PRPF18: variants seen among roughly 807,000 people sequenced by gnomAD.
PRPF18 encodes the protein pre-mRNA processing factor 18, also known as pre-mRNA-splicing factor 18.
A neutral mutation model predicts 46.5 loss-of-function variants in PRPF18; 38 were observed. The ratio of observed to expected loss-of-function variants is 0.82; its 90% CI spans 0.63 to 1.07. PRPF18 has a LOEUF of 1.07. PRPF18 is among the 50% of genes least tolerant of loss of function. The pLI is 0.00. For synonymous variants in PRPF18, 152 were observed against 146.7 expected (o/e 1.04, Z -0.26); for missense variants, 263 against 410.0 (o/e 0.64, Z 3.10).
chr10:13,589,917 T>G (rs2133063885), intron 1 of PRPF18, among the ~76,000 whole-genome samples: 1 of 152,260 alleles, frequency 6.6e-6, no homozygotes, highest in South Asian at 2.1e-4. Context: ...GCAGGGACCT[T>G]TTGATGAGTG....
At chr10:13,654,928 G>A in the PRPF18 span, 2 of 182,828 alleles carry the variant, frequency 1.1e-5, no homozygotes, top group Non-Finnish European at 2.3e-5. Context: ...CTGGCCCCAG[G>A]GCATTTTCAG....
the PRPF18 span, chr10:13,655,567 G>A: frequency 1.3e-5 from 2 of 151,918 alleles, no homozygotes; most frequent in Non-Finnish European, 2.9e-5. Context: ...ACGGGGATGT[G>A]GGGATAGAAT....
At chr10:13,607,136 C>T (rs1371368488) in intron 4 of PRPF18, among the ~76,000 whole-genome samples, 5 of 152,174 alleles carry the variant, frequency 3.3e-5, no homozygotes, top group East Asian at 3.8e-4. Flanking sequence ...CCGTCACCTA[C>T]GCTGGAATGC....
intron 4 of PRPF18, among the ~76,000 whole-genome samples, chr10:13,606,152 A>G (rs2080181579): frequency 6.6e-6 from 1 of 152,130 alleles, no homozygotes; most frequent in Non-Finnish European, 1.5e-5. Context: ...AGTTGAAAAA[A>G]AAGAGAAAAA....
intron 2 of PRPF18, 68 bp from the exon 3 acceptor site, chr10:13,600,176 G>GAAGT: frequency 5.6e-6 from 7 of 1,252,908 alleles, no homozygotes; most frequent in Middle Eastern, 2.0e-4. Context: ...CATAGCTAAG[G>GAAGT]TAATGGAATG....
intron 2 of PRPF18, 82 bp from the exon 3 acceptor site, chr10:13,600,162 C>A: frequency 9.0e-7 from 1 of 1,106,962 alleles, no homozygotes. Flanking sequence ...ACATGTTTAA[C>A]TTCCATAGCT....
At chr10:13,637,037 T>C in the PRPF18 span, 7 of 152,212 alleles carry the variant, frequency 4.6e-5, no homozygotes, top group Admixed American at 2.0e-4. Flanking sequence ...ATGTGTGTAG[T>C]TGTGGTTTTT....
intron 6 of PRPF18, among the ~76,000 whole-genome samples, chr10:13,612,947 CTG>C (rs1017820874): frequency 8.5e-5 from 13 of 152,118 alleles, no homozygotes; most frequent in South Asian, 2.1e-4. Flanking sequence ...TATTCACAAA[CTG>C]TGTTCAGACC....
chr10:13,595,435 T>C (rs1204455940), intron 1 of PRPF18, among the ~76,000 whole-genome samples: 1 of 152,232 alleles, frequency 6.6e-6, no homozygotes, highest in Non-Finnish European at 1.5e-5. Flanking sequence ...TACCAATGTG[T>C]GTTTGCCAAC....
At chr10:13,601,944 C>T (rs948368494) in intron 3 of PRPF18, among the ~76,000 whole-genome samples, 1 of 152,172 alleles carries the variant, frequency 6.6e-6, no homozygotes, top group Non-Finnish European at 1.5e-5. Flanking sequence ...CTAAGGTGAA[C>T]TTCCTTATAC....
chr10:13,595,501 AAAT>A (rs975881412), intron 1 of PRPF18, among the ~76,000 whole-genome samples: 1 of 152,218 alleles, frequency 6.6e-6, no homozygotes, highest in Non-Finnish European at 1.5e-5. Context: ...TTAGATGCCG[AAAT>A]AATATTTTGG....
chr10:13,624,723 A>C (rs2080472601), intron 9 of PRPF18, among the ~76,000 whole-genome samples: 1 of 152,218 alleles, frequency 6.6e-6, no homozygotes, highest in South Asian at 2.1e-4. Context: ...AGTAAGTTGG[A>C]GGATTCTGCT....
At chr10:13,644,270 G>A in the PRPF18 span, 2 of 152,164 alleles carry the variant, frequency 1.3e-5, no homozygotes, top group South Asian at 4.1e-4. Context: ...ATCAGACCAA[G>A]GACTTCGTAT....
intron 9 of PRPF18, among the ~76,000 whole-genome samples, chr10:13,626,671 T>G (rs1028531042): frequency 6.6e-6 from 1 of 152,276 alleles, no homozygotes; most frequent in East Asian, 1.9e-4. Flanking sequence ...CAGTATAGTA[T>G]TTAGAAATGT....
At chr10:13,650,840 C>G in the PRPF18 span, among the ~76,000 whole-genome samples, 1 of 152,220 alleles carries the variant, frequency 6.6e-6, no homozygotes, top group African/African-American at 2.4e-5. Context: ...CCTGTCTAAG[C>G]CCCCTCCTCC....
rs768083160 is a variant in PRPF18, at chr10:13,587,209, G to T, written c.66+57G>T. 3.9e-6 allele frequency: 6 copies of T among 1,541,790 alleles called. No homozygotes were observed. In the Admixed American group the frequency reaches 8.4e-5, roughly 21 times the overall value. On this transcript the variant is annotated intron_variant, in intron 1 of 9. Coordinates refer to ENST00000378572, the MANE Select transcript of PRPF18 (RefSeq NM_003675.4). The stretch of plus-strand genomic sequence containing the variant: ...GTAAGAGTGAGAGTATGTGTGTCGG[G>T]GTTTTGGGGTGAGGGTGACGATACT...
chr10:13,612,172 GACTGGTCTGCTTTT>G (rs2080278627), intron 6 of PRPF18, among the ~76,000 whole-genome samples: 1 of 152,048 alleles, frequency 6.6e-6, no homozygotes, highest in South Asian at 2.1e-4. Context: ...GAGCCACTGC[GACTGGTCTGCTTTT>G]CTTGTGGCAT....
chr10:13,628,806 G>A (rs1157129191), intron 9 of PRPF18, among the ~76,000 whole-genome samples: 2 of 152,182 alleles, frequency 1.3e-5, no homozygotes, highest in South Asian at 2.1e-4. Context: ...GGAAATGTGT[G>A]TGTTAATGAA....
the PRPF18 span, chr10:13,653,923 C>G: frequency 5.4e-6 from 1 of 184,536 alleles, no homozygotes; most frequent in Admixed American, 5.7e-5. Context: ...GGCACCTGAT[C>G]TCTTTTGTGT....
Sources: allele counts gnomAD v4.1 joint callset (sites outside exome capture counted in the v4.1 genomes callset), GRCh38; gene constraint gnomAD v4.1.1; transcripts MANE v1.5; gene names NCBI Gene and HGNC (gene_info 2026-07-23, HGNC 2026-07-21).